Variants in ZNF382 observed in about 807,000 individuals in gnomAD.
The protein encoded by ZNF382 is KRAB/zinc finger suppressor protein 1.
Under a neutral mutation model 38.8 loss-of-function variants are expected in ZNF382, and 20 were observed. That is an observed-to-expected ratio of 0.51 (90% confidence interval 0.36 to 0.75). The LOEUF is 0.75. ZNF382 is among the 30% of genes least tolerant of loss of function. The pLI, the probability that ZNF382 is intolerant of heterozygous loss-of-function variation, is 0.00. For synonymous variants in ZNF382, 202 were observed against 223.1 expected (o/e 0.91, Z 0.84); for missense variants, 546 against 654.1 (o/e 0.83, Z 1.80).
intron 2 of ZNF382, 155 bp downstream of exon 2, chr19:36,607,777 T>G: frequency 1.3e-6 from 1 of 770,366 alleles, no homozygotes; most frequent in Non-Finnish European, 2.0e-6. Context: ...GCAAGTGGCA[T>G]GAGGTGAAAT....
In ZNF382 at chr19:36,622,588, T is replaced by C. The variant is rs557119057; in HGVS notation, c.233-3542T>C. On this transcript the variant is annotated intron_variant, in intron 4 of 4. Transcript: ENST00000292928. ...ACAGCCTCAGTGTCCAAAGTTTTTA[T>C]TGGGGCTCCATCAAATAGGCCTGAT... Among the ~76,000 whole-genome samples the C allele has an allele frequency of 1.9e-4, 29 of 152,300 alleles. No homozygotes were observed. The South Asian group carries it at 3.7e-3, about 20-fold the overall frequency.
intron 2 of ZNF382, 169 bp downstream of exon 2, chr19:36,607,791 T>G: frequency 1.5e-6 from 1 of 688,650 alleles, no homozygotes; most frequent in Non-Finnish European, 2.4e-6. Flanking sequence ...GTGAAATATT[T>G]AAGGGGTACC....
chr19:36,627,422 C>G lies in ZNF382; in HGVS notation c.1525C>G (p.Arg509Gly). ...KAFSRKSNLI[R>G]HQKTHTGEKP... Reference sequence around the variant, plus strand: ...CTTCAGTAGGAAATCAAACCTCATTCGCCATCAGAAAACTCACACAGGCGA... The same window carrying G: ...CTTCAGTAGGAAATCAAACCTCATTGGCCATCAGAAAACTCACACAGGCGA... Residue 509 changes from arginine to glycine, a missense_variant, in exon 5 of 5, where the codon CGC becomes GGC. By Grantham distance (125) the Arg-to-Gly change is moderately radical. Coordinates refer to ENST00000292928, the MANE Select transcript of ZNF382 (RefSeq NM_032825.5). 6.2e-7 allele frequency: 1 copy of G among 1,613,838 alleles called. No individual in the cohort carries two copies. The highest frequency in any genetic ancestry group is 1.1e-5 in the South Asian group (1 of 91,046).
Position 36,607,595 on chromosome 19 carries a change from A to G in ZNF382, c.-41A>G, listed in dbSNP as rs1157798191. 4 of 1,532,370 alleles carry G rather than the reference A, an allele frequency of 2.6e-6. No homozygotes were observed. The highest frequency in any genetic ancestry group is 2.4e-5 in the East Asian group (1 of 40,826). The allele number at this position is 1,532,370 out of a possible 1,614,324, so 94.9% of individuals were successfully genotyped here. On this transcript the variant is annotated 5_prime_UTR_variant, in exon 2 of 5. Coordinates refer to ENST00000292928, the MANE Select transcript of ZNF382 (RefSeq NM_032825.5). ...AAGAGGAGCTCAAAAGAGAAAGTTC[A>G]TCTAGAAATCTCAAAGCCATGTCTC...
At chr19:36,617,482 T>C (rs1019808614) in intron 4 of ZNF382, among the ~76,000 whole-genome samples, 2 of 152,106 alleles carry the variant, frequency 1.3e-5, no homozygotes, top group Non-Finnish European at 2.9e-5. Context: ...TCAAAAGGTG[T>C]GCACTTGGGG....
At chr19:36,614,955 C>CT (rs796733986) in intron 4 of ZNF382, among the ~76,000 whole-genome samples, 43 of 118,072 alleles carry the variant, frequency 3.6e-4, no homozygotes, top group South Asian at 2.2e-3. Context: ...TTCCCTTTCC[C>CT]TTCCTTTCCT....
At position 36,610,751 on chromosome 19, in the gene ZNF382, A is replaced by G. The variant is rs539024115; in HGVS notation, c.232+9A>G. The G allele has an allele frequency of 5.5e-5, 88 of 1,598,730 alleles. 1 individual carries two copies. The East Asian group carries it at 1.9e-3, about 35-fold the overall frequency. On this transcript the variant is annotated intron_variant, in intron 4 of 4. Coordinates refer to ENST00000292928, the MANE Select transcript of ZNF382 (RefSeq NM_032825.5). ...AAGTTACAGCTACCTAGGTGAGTCT[A>G]TAAATGAAGTCTAGTGAACATTAAA...
In ZNF382 at chr19:36,627,786, C is replaced by G; in HGVS notation, c.*236C>G. On this transcript the variant is annotated 3_prime_UTR_variant, in exon 5 of 5. Transcript: ENST00000292928. ...TTTTTTTATTACTAGCTTCAGCAGA[C>G]AAAAACTTCCTCTGTCAAGGTGTTA... The G allele has an allele frequency of 2.3e-6, 1 of 441,044 alleles. No homozygotes were observed. The allele number at this position is 441,044 out of a possible 1,614,324, so 27.3% of individuals were successfully genotyped here. A position where few individuals can be genotyped will look rare whatever the true frequency, so the allele number is the denominator to read the frequency against.
chr19:36,605,468 G>A (rs1007044750), intron 1 of ZNF382, 121 bp downstream of exon 1: 2 of 152,658 alleles, frequency 1.3e-5, no homozygotes, highest in Non-Finnish European at 2.9e-5. Flanking sequence ...TCCGAGCCGG[G>A]CCTGGAAATT....
intron 4 of ZNF382, 47 bp from the exon 5 acceptor site, chr19:36,626,083 A>G: frequency 1.4e-6 from 2 of 1,420,926 alleles, no homozygotes; most frequent in South Asian, 1.6e-5. Context: ...TACCCAATCC[A>G]TAGCATTTAT....
Position 36,622,202 on chromosome 19 carries a change from G to A in ZNF382, c.233-3928G>A, listed in dbSNP as rs564467171. Among the ~76,000 whole-genome samples the A allele has an allele frequency of 1.1e-4, 17 of 152,090 alleles. 1 individual carries two copies. In the South Asian group the frequency reaches 3.3e-3, roughly 30 times the overall value. On this transcript the variant is annotated intron_variant, in intron 4 of 4. Coordinates refer to ENST00000292928, the MANE Select transcript of ZNF382 (RefSeq NM_032825.5). ...ACACCCTGCTGATTTTTGTATTTGA[G>A]TGGAGACGGGGTTTCACTATGTTGG...
chr19:36,609,709 AC>A, intron 2 of ZNF382, 192 bp from the exon 3 acceptor site: 1 of 497,068 alleles, frequency 2.0e-6, no homozygotes, highest in Non-Finnish European at 3.3e-6. Flanking sequence ...CTACCAGGCA[AC>A]CAGTCACATT....
intron 4 of ZNF382, among the ~76,000 whole-genome samples, chr19:36,612,622 T>A (rs2037087229): frequency 6.6e-6 from 1 of 152,264 alleles, no homozygotes; most frequent in Non-Finnish European, 1.5e-5. Context: ...CGTTCTTTTC[T>A]ACATTTTATG....
chr19:36,609,771 T>C, intron 2 of ZNF382, 131 bp from the exon 3 acceptor site: 1 of 824,810 alleles, frequency 1.2e-6, no homozygotes, highest in Non-Finnish European at 1.8e-6. Flanking sequence ...TATAAGTAAA[T>C]ACAAATGGAT....
intron 4 of ZNF382, among the ~76,000 whole-genome samples, chr19:36,611,325 C>G (rs1034241849): frequency 6.6e-6 from 1 of 151,892 alleles, no homozygotes; most frequent in Admixed American, 6.6e-5. Context: ...TCCCTTTATC[C>G]CTACTCCCTA....
chr19:36,623,917 T>A (rs528173171), intron 4 of ZNF382, among the ~76,000 whole-genome samples: 1 of 151,814 alleles, frequency 6.6e-6, no homozygotes, highest in Non-Finnish European at 1.5e-5. Flanking sequence ...AGTGAAACCC[T>A]GTCTCTACTA....
intron 4 of ZNF382, among the ~76,000 whole-genome samples, chr19:36,619,378 A>G (rs537790551): frequency 6.6e-6 from 1 of 152,340 alleles, no homozygotes; most frequent in East Asian, 1.9e-4. Context: ...AGGAGGGCAC[A>G]GGCCTGTGTG....
intron 4 of ZNF382, among the ~76,000 whole-genome samples, chr19:36,621,607 C>T (rs764112403): frequency 6.6e-6 from 1 of 151,962 alleles, no homozygotes; most frequent in South Asian, 2.1e-4. Flanking sequence ...CACACACACA[C>T]ACACACACAC....
chr19:36,608,886 A>G (rs1323680579), intron 2 of ZNF382: 6 of 152,212 alleles, frequency 3.9e-5, no homozygotes, highest in Non-Finnish European at 7.3e-5. Flanking sequence ...TCTACAGCCA[A>G]TTTACGACCA....
Sources: gnomAD v4.1 joint callset for allele counts (sites outside exome capture counted in the v4.1 genomes callset) on GRCh38, gnomAD v4.1.1 for gene constraint, MANE v1.5 for transcripts, NCBI Gene and HGNC (gene_info 2026-07-23, HGNC 2026-07-21) for gene names.